Variants in PRSS3 observed in about 807,000 individuals in gnomAD.
PRSS3 encodes the protein trypsin-3.
Under a neutral mutation model 20.8 loss-of-function variants are expected in PRSS3, and 14 were observed. The observed-to-expected ratio is 0.67, with a 90% confidence interval of 0.44 to 1.05. PRSS3 has a LOEUF of 1.05. Among genes scored for constraint, PRSS3 ranks in the 50% least tolerant of loss-of-function variants. PRSS3 has a pLI of 0.00. For synonymous variants in PRSS3, 91 were observed against 117.6 expected (o/e 0.77, Z 1.46); for missense variants, 237 against 306.4 (o/e 0.77, Z 1.69).
chr9:33,795,887 A>G (rs1301908825), intron 1 of PRSS3, among the ~76,000 whole-genome samples: 1 of 152,062 alleles, frequency 6.6e-6, no homozygotes, highest in Non-Finnish European at 1.5e-5. Flanking sequence ...CATGAAATGA[A>G]GTGGCAGGCT....
At chr9:33,766,196 T>G (rs1034374622) in intron 1 of PRSS3, among the ~76,000 whole-genome samples, 1 of 125,664 alleles carries the variant, frequency 8.0e-6, no homozygotes, top group East Asian at 2.3e-4. Flanking sequence ...ACCCGGGAGG[T>G]AGAGGTTGCA....
At position 33,797,817 on chromosome 9, in the gene PRSS3, C is replaced by T. The variant is rs756500567; in HGVS notation, c.201-12C>T. Reference sequence around the variant, plus strand: ...GGGAGAAGGTCTTCACCATGCCTGCCCTGCCCATCAGCCGCATCCAGGTGA... The same window carrying T: ...GGGAGAAGGTCTTCACCATGCCTGCTCTGCCCATCAGCCGCATCCAGGTGA... On this transcript the variant is annotated splice_polypyrimidine_tract_variant and intron_variant, in intron 2 of 4. Transcript: ENST00000379405. The T allele has an allele frequency of 9.9e-5, 159 of 1,614,124 alleles. No homozygotes were observed. The highest frequency in any genetic ancestry group is 1.3e-4 in the Non-Finnish European group (155 of 1,180,064).
chr9:33,760,927 G>T (rs569294382), intron 1 of PRSS3, among the ~76,000 whole-genome samples: 9 of 152,070 alleles, frequency 5.9e-5, no homozygotes, highest in Admixed American at 5.2e-4. Flanking sequence ...TCGAATTCAG[G>T]ATCCAGCAAA....
intron 1 of PRSS3, among the ~76,000 whole-genome samples, chr9:33,776,587 T>C (rs556178813): frequency 1.3e-5 from 2 of 152,298 alleles, no homozygotes; most frequent in South Asian, 4.1e-4. Flanking sequence ...TCATATAAGG[T>C]TAACTAATCT....
chr9:33,790,557 C>T (rs1382307464), intron 1 of PRSS3, among the ~76,000 whole-genome samples: 2 of 152,180 alleles, frequency 1.3e-5, no homozygotes, highest in East Asian at 3.8e-4. Flanking sequence ...TTAAATGCCA[C>T]CTCCCCAAAG....
chr9:33,750,906 A>G lies in PRSS3; in HGVS notation c.-53+179A>G. The G allele has an allele frequency of 7.5e-7, 1 of 1,325,252 alleles. No individual in the cohort carries two copies. The allele number at this position is 1,325,252 out of a possible 1,614,324, so 82.1% of individuals were successfully genotyped here. ...GGGAGGGGCTCAGGGACAGGGATGG[A>G]GGCTCCTCTAGGGGAGGACGGGAGG... On this transcript the variant is annotated intron_variant, in intron 1 of 5. Transcript: ENST00000342836. The surrounding 1 kb of genome is among the most constrained non-coding windows in gnomAD (Gnocchi z 4.8).
At chr9:33,772,621 C>T (rs141344956) in intron 1 of PRSS3, among the ~76,000 whole-genome samples, 1 of 152,258 alleles carries the variant, frequency 6.6e-6, no homozygotes, top group East Asian at 1.9e-4. Flanking sequence ...GTCTCGCCAA[C>T]ATCTCATGAA....
At chr9:33,781,554 G>C (rs535639499) in intron 1 of PRSS3, among the ~76,000 whole-genome samples, 1 of 152,192 alleles carries the variant, frequency 6.6e-6, no homozygotes, top group Non-Finnish European at 1.5e-5. Context: ...GGTTGACATG[G>C]GTTGAAAAAC....
chr9:33,777,657 G>T (rs1823996800), intron 1 of PRSS3, among the ~76,000 whole-genome samples: 1 of 149,394 alleles, frequency 6.7e-6, no homozygotes, highest in African/African-American at 2.5e-5. Flanking sequence ...GCAGTGAGCC[G>T]AGATCGCGCT....
At chr9:33,773,012 A>G (rs2118921227) in intron 1 of PRSS3, among the ~76,000 whole-genome samples, 1 of 152,286 alleles carries the variant, frequency 6.6e-6, no homozygotes, top group African/African-American at 2.4e-5. Flanking sequence ...TTGTTTTTTT[A>G]AAGCACCGTA....
At chr9:33,761,702 GC>G (rs748649235) in intron 1 of PRSS3, among the ~76,000 whole-genome samples, 12 of 151,558 alleles carry the variant, frequency 7.9e-5, no homozygotes, top group Non-Finnish European at 1.2e-4. Context: ...GCGAAACTCC[GC>G]CTCAAAAATA....
At chr9:33,777,534 A>C (rs1823989256) in intron 1 of PRSS3, among the ~76,000 whole-genome samples, 1 of 144,842 alleles carries the variant, frequency 6.9e-6, no homozygotes, top group Non-Finnish European at 1.5e-5. Flanking sequence ...AAAATACCAA[A>C]AAAAAAAAAA....
At chr9:33,796,943 TC>T in intron 2 of PRSS3, 141 bp downstream of exon 2, 1 of 1,384,990 alleles carries the variant, frequency 7.2e-7, no homozygotes, top group Non-Finnish European at 1.0e-6. Context: ...CAGCTGACTC[TC>T]CAGAGCAAGG....
intron 1 of PRSS3, among the ~76,000 whole-genome samples, chr9:33,751,660 A>G (rs1233949162): frequency 1.3e-5 from 2 of 152,192 alleles, no homozygotes; most frequent in Admixed American, 6.5e-5. Context: ...AGGGTGGCAT[A>G]GCCTTCCAAA....
chr9:33,794,860 T>C, upstream of PRSS3: 7 of 1,550,856 alleles, frequency 4.5e-6, no homozygotes, highest in Non-Finnish European at 6.1e-6. Context: ...TTTTCCATCC[T>C]CCAGATGCAC....
chr9:33,793,917 G>T (rs552846814), upstream of PRSS3, among the ~76,000 whole-genome samples: 1 of 152,276 alleles, frequency 6.6e-6, no homozygotes, highest in Non-Finnish European at 1.5e-5. Flanking sequence ...TTGTAAAGCT[G>T]TCAGGCACCA....
chr9:33,786,833 G>A (rs1824432875), intron 1 of PRSS3: 1 of 734,876 alleles, frequency 1.4e-6, no homozygotes, highest in African/African-American at 1.7e-5. Context: ...TGAAGACACA[G>A]TGCAGGGCAC....
chr9:33,769,587 A>G (rs1432694918), intron 1 of PRSS3, among the ~76,000 whole-genome samples: 1 of 152,250 alleles, frequency 6.6e-6, no homozygotes, highest in Non-Finnish European at 1.5e-5. Context: ...CAGTACAGCG[A>G]TATGGCTATG....
upstream of PRSS3, among the ~76,000 whole-genome samples, chr9:33,791,491 G>A (rs1309498039): frequency 2.6e-5 from 4 of 152,202 alleles, no homozygotes; most frequent in South Asian, 6.2e-4. Context: ...ACCAAACCCA[G>A]CTTGTGAGCC....
Sources: gnomAD v4.1 joint callset for allele counts (sites outside exome capture counted in the v4.1 genomes callset) on GRCh38, gnomAD v4.1.1 for gene constraint, Gnocchi (gnomAD v3.1) non-coding constraint, MANE v1.5 for transcripts, NCBI Gene and HGNC (gene_info 2026-07-23, HGNC 2026-07-21) for gene names.